The following AGBL1 variants were observed in gnomAD, a reference collection of about 807,000 sequenced individuals.
AGBL1 encodes the protein cytosolic carboxypeptidase 4.
A neutral mutation model predicts 118.9 loss-of-function variants in AGBL1; 130 were observed. The observed-to-expected ratio is 1.09, with a 90% CI of 0.95 to 1.26. AGBL1 has a LOEUF of 1.26. Ranked by LOEUF, AGBL1 falls within the 50% of genes most tolerant of loss-of-function variation. The probability of loss-of-function intolerance (pLI) is 0.00; values close to 1 mark genes in which losing one functional copy is unlikely to be tolerated. For synonymous variants in AGBL1, 555 were observed against 478.9 expected, an observed-to-expected ratio of 1.16 and a Z score of -2.08; for missense variants, 1,584 against 1,298.1, an observed-to-expected ratio of 1.22 and a Z score of -3.38.
chr15:86,890,278 T>A (rs2080034536), intron 22 of AGBL1, among the ~76,000 whole-genome samples: 1 of 152,198 alleles, frequency 6.6e-6, no homozygotes, highest in African/African-American at 2.4e-5. Context: ...CCTTGTAGAC[T>A]CTGTGTATTA....
intron 19 of AGBL1, among the ~76,000 whole-genome samples, chr15:86,526,573 T>TATATATATATATAC (rs1415307184): frequency 7.7e-5 from 9 of 117,604 alleles, no homozygotes; most frequent in African/African-American, 2.8e-4. Flanking sequence ...TATATATATA[T>TATATATATATATAC]ACACACAGAG....
In AGBL1 at chr15:86,347,428, A is replaced by G. The variant is rs140152521; in HGVS notation, c.2375-49938A>G. Among the ~76,000 whole-genome samples, 186 of 152,316 alleles carry G rather than the reference A, an allele frequency of 1.2e-3. 1 individual carries two copies. Among genetic ancestry groups the G allele is most frequent in the African/African-American group, 4.2e-3 (176 of 41,578 alleles). On this transcript the variant is annotated intron_variant, in intron 17 of 22. Coordinates refer to ENST00000614907, the MANE Select transcript of AGBL1 (RefSeq NM_001386094.1). ...AGGGTTACGTCCTAGTAGACTGAGC[A>G]TGTTTTCCTGCAATGGGTGAGTCAT...
At chr15:86,797,480 A>T (rs1302931406) in intron 22 of AGBL1, among the ~76,000 whole-genome samples, 1 of 152,190 alleles carries the variant, frequency 6.6e-6, no homozygotes, top group Admixed American at 6.5e-5. Context: ...AGGCATTTCA[A>T]CCTGCTCACT....
intron 23 of AGBL1, among the ~76,000 whole-genome samples, chr15:86,953,582 G>A (rs755403505): frequency 3.3e-5 from 5 of 151,792 alleles, no homozygotes; most frequent in Non-Finnish European, 7.4e-5. Flanking sequence ...GTAGAGACAG[G>A]GTTTCACCAT....
intron 18 of AGBL1, among the ~76,000 whole-genome samples, chr15:86,401,322 G>A (rs1345776362): frequency 6.6e-6 from 1 of 151,740 alleles, no homozygotes; most frequent in Non-Finnish European, 1.5e-5. Flanking sequence ...TTGCTAATTT[G>A]TTTGAATTCC....
chr15:86,695,649 T>G (rs951243043), intron 22 of AGBL1, among the ~76,000 whole-genome samples: 3 of 152,066 alleles, frequency 2.0e-5, no homozygotes, highest in African/African-American at 4.8e-5. Flanking sequence ...GGGTTTGGTT[T>G]GTTCTTGTTT....
intron 17 of AGBL1, among the ~76,000 whole-genome samples, chr15:86,299,030 G>C (rs569978184): frequency 6.6e-6 from 1 of 152,244 alleles, no homozygotes; most frequent in African/African-American, 2.4e-5. Context: ...TTATTTTCCT[G>C]AAAACATTGA....
At chr15:86,481,721 A>C (rs1383747839) in intron 18 of AGBL1, among the ~76,000 whole-genome samples, 1 of 152,106 alleles carries the variant, frequency 6.6e-6, no homozygotes, top group African/African-American at 2.4e-5. Context: ...ACTCAGAATT[A>C]CCTGTTTTGC....
At chr15:86,497,156 G>A (rs546003326) in intron 18 of AGBL1, among the ~76,000 whole-genome samples, 9 of 151,960 alleles carry the variant, frequency 5.9e-5, no homozygotes, top group African/African-American at 1.9e-4. Flanking sequence ...CTTATTTGAA[G>A]CAAAGAAAGT....
chr15:86,606,419 G>A (rs1392373795), intron 21 of AGBL1, among the ~76,000 whole-genome samples: 6 of 152,108 alleles, frequency 3.9e-5, no homozygotes, highest in Non-Finnish European at 5.9e-5. Context: ...AATTATCTTC[G>A]TCTAAGTTAC....
chr15:86,770,324 C>G (rs768239393), intron 22 of AGBL1, among the ~76,000 whole-genome samples: 1 of 151,754 alleles, frequency 6.6e-6, no homozygotes, highest in African/African-American at 2.4e-5. Flanking sequence ...TTTGCATCCC[C>G]GCACAGGAGA....
At chr15:86,599,334 A>AT (rs60044624) in intron 21 of AGBL1, among the ~76,000 whole-genome samples, 34 of 149,060 alleles carry the variant, frequency 2.3e-4, no homozygotes, top group South Asian at 6.3e-4. Flanking sequence ...AGATGTTTCC[A>AT]TTTTTTTTTT....
intron 5 of AGBL1, among the ~76,000 whole-genome samples, chr15:86,223,001 A>G (rs1041948092): frequency 6.6e-6 from 1 of 152,276 alleles, no homozygotes; most frequent in South Asian, 2.1e-4. Flanking sequence ...CTGCGTTTCT[A>G]TCTGGCTTTC....
intron 21 of AGBL1, among the ~76,000 whole-genome samples, chr15:86,652,720 T>G (rs575078968): frequency 6.6e-6 from 1 of 152,306 alleles, no homozygotes; most frequent in South Asian, 2.1e-4. Context: ...TGAAGTTTTC[T>G]CTTTGAAATT....
At chr15:86,930,126 G>A (rs549875130) in intron 23 of AGBL1, among the ~76,000 whole-genome samples, 3 of 152,074 alleles carry the variant, frequency 2.0e-5, no homozygotes, top group East Asian at 1.9e-4. Context: ...GAATATTATC[G>A]TCAATGGCTC....
intron 22 of AGBL1, among the ~76,000 whole-genome samples, chr15:86,810,626 C>T (rs2078774888): frequency 6.6e-6 from 1 of 152,136 alleles, no homozygotes; most frequent in African/African-American, 2.4e-5. Flanking sequence ...GATTAATTAA[C>T]CCCATTTCTC....
Position 86,143,834 on chromosome 15 carries a change from T to A in AGBL1, c.251T>A (p.Val84Asp). ...LLPLFRLLAK[V>D]GLRDKKIGRK... ...CCTCTCTTCCGGCTGCTGGCCAAAG[T>A]TGGCCTAAGAGGTACTCGTACTCCA... Residue 84 changes from valine (V) to aspartate (D), a missense_variant, in exon 3 of 23, where the codon GTT (valine) becomes GAT (aspartate). Physicochemically the swap from Val to Asp is radical, Grantham distance 152. Coordinates refer to ENST00000614907, the MANE Select transcript of AGBL1 (RefSeq NM_001386094.1). The A allele has an allele frequency of 6.2e-7, 1 of 1,613,746 alleles. No homozygotes were observed.
At chr15:86,085,459 C>A (rs937928486) in intron 1 of AGBL1, among the ~76,000 whole-genome samples, 3 of 152,138 alleles carry the variant, frequency 2.0e-5, no homozygotes, top group African/African-American at 4.8e-5. Context: ...GCTGCCTATT[C>A]CTGCGTGTGA....
intron 22 of AGBL1, among the ~76,000 whole-genome samples, chr15:86,745,299 T>C (rs2077739667): frequency 6.6e-6 from 1 of 152,050 alleles, no homozygotes; most frequent in Admixed American, 6.6e-5. Context: ...TTATCCCCAT[T>C]TAAAAAATGG....
Sources: gnomAD v4.1 joint callset for allele counts (sites outside exome capture counted in the v4.1 genomes callset) on GRCh38, gnomAD v4.1.1 for gene constraint, MANE v1.5 for transcripts, NCBI Gene and HGNC (gene_info 2026-07-23, HGNC 2026-07-21) for gene names.